SYTL4: variants seen among roughly 807,000 people sequenced by gnomAD.
SYTL4 encodes synaptotagmin-like protein 4.
Under a neutral mutation model 52.7 loss-of-function variants are expected in SYTL4, and 16 were observed. The observed-to-expected ratio is 0.30, with a 90% CI of 0.21 to 0.46. The LOEUF (loss-of-function observed/expected upper bound fraction) is 0.46. Ranked by LOEUF, SYTL4 falls within the 20% of genes least tolerant of loss-of-function variation. SYTL4 has a pLI of 1.00. For missense variants in SYTL4, 423 were observed against 519.9 expected (o/e 0.81, Z 1.81); for synonymous variants, 160 against 186.6 (o/e 0.86, Z 1.16).
In SYTL4 at chrX:100,675,915, CACACAT is replaced by C. The variant is rs747241183; in HGVS notation, c.*107_*112del. The C allele has an allele frequency of 1.3e-3, 821 of 650,639 alleles. 5 individuals carry two copies. In the African/African-American group the frequency reaches 0.017, roughly 13 times the overall value. 53.6% of individuals were successfully genotyped at this position (650,639 alleles called of 1,213,427 possible). On this transcript the variant is annotated 3_prime_UTR_variant, in exon 20 of 20. Transcript: ENST00000372989. ...ACACATACACACACACACACACACA[CACACAT>C]ACACACATACACACATACACATTAA...
chrX:100,681,394 C>T (rs2083371930), intron 16 of SYTL4, 59 bp from the exon 17 acceptor site: 1 of 957,909 alleles, frequency 1.0e-6, no homozygotes, highest in Non-Finnish European at 1.5e-6. Flanking sequence ...GTTGGGACTT[C>T]TCTCTGAAAA....
chrX:100,724,150 G>T (rs1336579949), intron 2 of SYTL4, among the ~76,000 whole-genome samples: 3 of 77,584 alleles, frequency 3.9e-5, no homozygotes, highest in African/African-American at 1.1e-4. Flanking sequence ...GGTGGGGGGG[G>T]TCAGCCCCCC....
Position 100,675,944 on chromosome X carries a change from T to C in SYTL4, c.*84A>G. On this transcript the variant is annotated 3_prime_UTR_variant, in exon 20 of 20. Coordinates refer to ENST00000372989, the MANE Select transcript of SYTL4 (RefSeq NM_001370165.1). ...CATACACACATACACACATACACAT[T>C]AAATTATAAATCTTTGCTCTTGATT... 6 of 901,267 alleles carry C rather than the reference T, an allele frequency of 6.7e-6. No individual in the cohort carries two copies. The highest frequency in any genetic ancestry group is 9.0e-6 in the Non-Finnish European group (6 of 666,183). 74.3% of individuals were successfully genotyped at this position (901,267 alleles called of 1,213,427 possible).
At chrX:100,722,945 T>C (rs2084371193) in intron 2 of SYTL4, among the ~76,000 whole-genome samples, 5 of 111,726 alleles carry the variant, frequency 4.5e-5, no homozygotes, top group Admixed American at 1.9e-4. Context: ...CCACTGACCA[T>C]ATTTTTAACA....
At chrX:100,726,472 C>A (rs1191522795) in intron 2 of SYTL4, among the ~76,000 whole-genome samples, 9 of 110,140 alleles carry the variant, frequency 8.2e-5, no homozygotes, top group Non-Finnish European at 1.3e-4. Context: ...TGTCCCTCCA[C>A]AGGTACTTCC....
Position 100,678,444 on chromosome X carries a change from T to C in SYTL4, c.1814A>G (p.Glu605Gly), listed in dbSNP as rs1569370573. Residue 605 changes from glutamate to glycine, a missense_variant, in exon 19 of 20, where the codon GAG (glutamate) becomes GGG (glycine). By Grantham distance (98) the Glu-to-Gly change is moderately conservative. Coordinates refer to ENST00000372989, the MANE Select transcript of SYTL4 (RefSeq NM_001370165.1). ...CAGGAAGTCATTGCTGGCCAGGGGC[T>C]CCCGGTCCCACACAGTCAGTTCCAG... ...MCLELTVWDREPLASNDFLGG... is the reference protein window; with the variant it reads ...MCLELTVWDRGPLASNDFLGG... 1 of 1,211,394 alleles carries C rather than the reference T, an allele frequency of 8.3e-7. No individual in the cohort carries two copies. The highest frequency in any genetic ancestry group is 3.0e-5 in the East Asian group (1 of 33,844).
chrX:100,701,329 T>C lies in SYTL4; in HGVS notation c.327A>G (p.Ile109Met), dbSNP rs778945156. The part of the protein sequence containing the change: ...TWRCKVCAKE[I>M]ELKKATGDWF... The stretch of plus-strand genomic sequence containing the variant: ...AGTCCCCAGTTGCTTTCTTCAACTC[T>C]CTGGGAAGAAATAAAAGAAAATGAC... Residue 109 changes from isoleucine to methionine, a missense_variant and splice_region_variant, in exon 7 of 20, where the codon ATA becomes ATG. By Grantham distance (10) the Ile-to-Met change is conservative. Transcript: ENST00000372989. 1.7e-6 allele frequency: 2 copies of C among 1,197,181 alleles called. No homozygotes were observed. The highest frequency in any genetic ancestry group is 2.2e-5 in the Admixed American group (1 of 46,010).
intron 17 of SYTL4, 100 bp downstream of exon 17, chrX:100,681,127 A>G (rs1213591422): frequency 4.5e-6 from 3 of 666,896 alleles, no homozygotes; most frequent in Admixed American, 2.7e-5. Context: ...GAGCATCCCA[A>G]TTTGGTCTCT....
At chrX:100,695,386 T>C (rs184512277) in intron 8 of SYTL4, among the ~76,000 whole-genome samples, 1 of 111,924 alleles carries the variant, frequency 8.9e-6, no homozygotes, top group Non-Finnish European at 1.9e-5. Context: ...AATAAGAGTC[T>C]TCTGGGTCCA....
At chrX:100,727,426 T>C (rs981465781) in intron 2 of SYTL4, among the ~76,000 whole-genome samples, 1 of 112,355 alleles carries the variant, frequency 8.9e-6, no homozygotes, top group Non-Finnish European at 1.9e-5. Context: ...ACCTATCAGA[T>C]TGGAAAAAAT....
At position 100,676,883 on chromosome X, in the gene SYTL4, TCATC is replaced by T. The variant is rs756618105; in HGVS notation, c.1868-711_1868-708del. ...GCCCCATTCATATTCTCTTATATAT[TCATC>T]CATTAATTCAGCAAACATTTATTGA... On this transcript the variant is annotated intron_variant, in intron 19 of 19. Coordinates refer to ENST00000372989, the MANE Select transcript of SYTL4 (RefSeq NM_001370165.1). Among the ~76,000 whole-genome samples, 24 of 111,567 alleles carry T rather than the reference TCATC, an allele frequency of 2.2e-4. 1 individual carries two copies. In the Admixed American group the frequency reaches 2.2e-3, roughly 10 times the overall value.
At position 100,676,140 on chromosome X, in the gene SYTL4, G is replaced by A. The variant is rs775187605; in HGVS notation, c.1904C>T (p.Ser635Leu). 3.3e-6 allele frequency: 4 copies of A among 1,208,530 alleles called. No homozygotes were observed. The highest frequency in any genetic ancestry group is 3.0e-5 in the East Asian group (1 of 33,689). The change falls in exon 20 of 20, where the codon TCG becomes TTG. Residue 635 changes from serine to leucine, a missense_variant. Coordinates refer to ENST00000372989, the MANE Select transcript of SYTL4 (RefSeq NM_001370165.1). ...SNGEVVDWMD[S>L]TGEEVSLWQK... ...CCACAGGCTCACTTCTTCCCCAGTC[G>A]AGTCCATCCAGTCCACCACTTCCCC...
intron 16 of SYTL4, chrX:100,685,780 C>T (rs976402000): frequency 8.1e-6 from 3 of 372,159 alleles, no homozygotes; most frequent in African/African-American, 7.7e-5. Flanking sequence ...AAAGCAAAAC[C>T]ATGGCTTCAC....
rs766149390 is a variant in SYTL4 at position 100,686,686 on chromosome X, G to A, written c.1280C>T (p.Thr427Met). 21 of 1,201,018 alleles carry A rather than the reference G, an allele frequency of 1.7e-5. No homozygotes were observed. Among genetic ancestry groups the A allele is most frequent in the South Asian group, 1.4e-4 (8 of 56,446 alleles). Reference protein sequence around the residue: ...RDTINPLYDETLRYEIPESLL... With the variant: ...RDTINPLYDEMLRYEIPESLL... ...TGAGGTCTAGATACTTACCCTCAGCGTCTCATCATATAGTGGATTAATAGT... is the reference window on the plus strand; with the variant it reads ...TGAGGTCTAGATACTTACCCTCAGCATCTCATCATATAGTGGATTAATAGT... Residue 427 changes from threonine to methionine, a missense_variant, in exon 15 of 20, where the codon ACG (threonine) becomes ATG (methionine). Coordinates refer to ENST00000372989, the MANE Select transcript of SYTL4 (RefSeq NM_001370165.1).
At chrX:100,693,049 C>A (rs2147732880) in intron 8 of SYTL4, among the ~76,000 whole-genome samples, 1 of 111,943 alleles carries the variant, frequency 8.9e-6, no homozygotes, top group East Asian at 2.8e-4. Flanking sequence ...CCTGCCTCAG[C>A]CTCTTGAGTA....
At chrX:100,710,039 G>A (rs757239912) in intron 2 of SYTL4, among the ~76,000 whole-genome samples, 19 of 111,896 alleles carry the variant, frequency 1.7e-4, no homozygotes, top group Non-Finnish European at 3.4e-4. Context: ...CAGCCTTATA[G>A]ATGACAGAAG....
At chrX:100,684,137 G>A (rs1250165369) in intron 16 of SYTL4, among the ~76,000 whole-genome samples, 1 of 111,550 alleles carries the variant, frequency 9.0e-6, no homozygotes, top group Non-Finnish European at 1.9e-5. Flanking sequence ...CCATCATTTT[G>A]AACATTTATC....
chrX:100,724,056 G>T (rs1260832866), intron 2 of SYTL4, among the ~76,000 whole-genome samples: 6 of 101,496 alleles, frequency 5.9e-5, no homozygotes, highest in Non-Finnish European at 1.0e-4. Context: ...CCCCGTCCGG[G>T]AGGTGAGGGG....
intron 2 of SYTL4, among the ~76,000 whole-genome samples, chrX:100,724,151 T>A (rs1602938626): frequency 2.2e-5 from 1 of 45,919 alleles, no homozygotes; most frequent in Non-Finnish European, 3.7e-5. Flanking sequence ...GTGGGGGGGG[T>A]CAGCCCCCCA....
Sources: allele counts gnomAD v4.1 joint callset (sites outside exome capture counted in the v4.1 genomes callset), GRCh38; gene constraint gnomAD v4.1.1; transcripts MANE v1.5; gene names NCBI Gene and HGNC (gene_info 2026-07-23, HGNC 2026-07-21).